SPATA7: variants seen among roughly 807,000 people sequenced by gnomAD.
The protein encoded by SPATA7 is spermatogenesis associated 7.
In SPATA7, 43 loss-of-function variants were observed where a neutral mutation model predicts 51.8. That is an observed-to-expected ratio of 0.83 (90% CI 0.65 to 1.07). SPATA7 has a LOEUF of 1.07. Among genes scored for constraint, SPATA7 ranks in the 50% least tolerant of loss-of-function variants. The pLI is 0.00. For missense variants in SPATA7, 683 were observed against 701.3 expected, an observed-to-expected ratio of 0.97 and a Z score of 0.30; for synonymous variants, 230 against 252.8, an observed-to-expected ratio of 0.91 and a Z score of 0.86.
At chr14:88,434,958 GT>G (rs1477843222) in intron 10 of SPATA7, among the ~76,000 whole-genome samples, 2 of 152,142 alleles carry the variant, frequency 1.3e-5, no homozygotes, top group Non-Finnish European at 2.9e-5. Context: ...GAAATTAGTT[GT>G]TTTTTAAGAA....
intron 1 of SPATA7, among the ~76,000 whole-genome samples, chr14:88,386,326 C>T (rs930811645): frequency 6.6e-6 from 1 of 152,112 alleles, no homozygotes; most frequent in Non-Finnish European, 1.5e-5. Flanking sequence ...TCAGTAAATA[C>T]GAAATCTCCC....
chr14:88,454,814 A>G (rs2077273825), intron 3 of SPATA7, among the ~76,000 whole-genome samples: 1 of 151,612 alleles, frequency 6.6e-6, no homozygotes, highest in South Asian at 2.1e-4. Flanking sequence ...TCTCAAAAAG[A>G]AAAAAAAAGA....
intron 4 of SPATA7, among the ~76,000 whole-genome samples, chr14:88,402,941 A>G (rs1349317680): frequency 2.0e-5 from 3 of 147,820 alleles, no homozygotes; most frequent in East Asian, 2.0e-4. Flanking sequence ...TGTGTAAGTA[A>G]TAAGTACAAC....
intron 8 of SPATA7, among the ~76,000 whole-genome samples, chr14:88,430,599 A>G (rs967016481): frequency 2.0e-5 from 3 of 152,154 alleles, no homozygotes; most frequent in Admixed American, 6.6e-5. Flanking sequence ...AGCATTATCT[A>G]TACATTAACC....
chr14:88,445,079 A>G (rs2077202412), intron 3 of SPATA7, among the ~76,000 whole-genome samples: 1 of 151,970 alleles, frequency 6.6e-6, no homozygotes, highest in South Asian at 2.1e-4. Flanking sequence ...CTTGGGCAGT[A>G]TGGCCATTTT....
rs139404133 is a variant in SPATA7, at chr14:88,426,673, C to A, written c.814C>A (p.Arg272=). ...AAGAAAAAAGGATTTTACAGATCAA[C>A]GGATAGAAGCTGAAACCCAGACTGA... ...AKRKKDFTDQ[R]IEAETQTELS... is the part of the protein sequence containing the mutation. Residue 272 remains arginine, a synonymous_variant, in exon 6 of 12, where the codon CGG becomes AGG. Transcript: ENST00000393545. 6.2e-7 allele frequency: 1 copy of A among 1,613,290 alleles called. No homozygotes were observed. Among genetic ancestry groups the A allele is most frequent in the South Asian group, 1.1e-5 (1 of 91,066 alleles).
chr14:88,465,593 CAG>C (rs1176978471), intron 4 of SPATA7, among the ~76,000 whole-genome samples: 4 of 152,166 alleles, frequency 2.6e-5, no homozygotes, highest in African/African-American at 9.7e-5. Context: ...CAGTGGAAAA[CAG>C]TGGTTTATAA....
At chr14:88,411,806 G>A (rs1163258970) in intron 4 of SPATA7, among the ~76,000 whole-genome samples, 1 of 152,148 alleles carries the variant, frequency 6.6e-6, no homozygotes, top group African/African-American at 2.4e-5. Context: ...GGATAGTGCT[G>A]TGTTGGATAT....
At chr14:88,431,150 T>G in intron 8 of SPATA7, 22 bp from the exon 9 acceptor site, 1 of 1,612,204 alleles carries the variant, frequency 6.2e-7, no homozygotes, top group South Asian at 1.1e-5. Context: ...TTTGCTCAAC[T>G]ACTTTAACTT....
At chr14:88,389,486 C>T (rs890180067) in intron 1 of SPATA7, among the ~76,000 whole-genome samples, 6 of 152,024 alleles carry the variant, frequency 3.9e-5, no homozygotes, top group Non-Finnish European at 5.9e-5. Context: ...ATTACAAGCA[C>T]GAGCCATTGT....
chr14:88,411,748 A>G (rs559719226), intron 4 of SPATA7, among the ~76,000 whole-genome samples: 5 of 152,022 alleles, frequency 3.3e-5, no homozygotes, highest in African/African-American at 9.6e-5. Flanking sequence ...TCTTTATCCA[A>G]TTCACCATTA....
intron 3 of SPATA7, among the ~76,000 whole-genome samples, chr14:88,447,578 C>T (rs149974962): frequency 6.6e-6 from 1 of 152,028 alleles, no homozygotes; most frequent in Non-Finnish European, 1.5e-5. Flanking sequence ...TCTTCGTAGT[C>T]TCGATGGTCT....
intron 4 of SPATA7, among the ~76,000 whole-genome samples, chr14:88,460,707 C>T (rs1192300201): frequency 6.6e-6 from 1 of 152,216 alleles, no homozygotes; most frequent in East Asian, 1.9e-4. Flanking sequence ...CTTCTCTCAA[C>T]TTGTCAAAGT....
At chr14:88,385,954 G>T in intron 1 of SPATA7, 117 bp downstream of exon 1, 1 of 1,535,988 alleles carries the variant, frequency 6.5e-7, no homozygotes, top group Non-Finnish European at 8.7e-7. Flanking sequence ...TCCTACCCCT[G>T]GCTGAGTCGC....
chr14:88,449,140 C>T (rs902479765), intron 3 of SPATA7, among the ~76,000 whole-genome samples: 1 of 151,952 alleles, frequency 6.6e-6, no homozygotes, highest in African/African-American at 2.4e-5. Flanking sequence ...TCTCTAACTC[C>T]TTGAGGTGTG....
chr14:88,385,977 G>T lies in SPATA7; in HGVS notation c.19+140G>T, dbSNP rs1231248523. On this transcript the variant is annotated intron_variant, in intron 1 of 11. Coordinates refer to ENST00000393545, the MANE Select transcript of SPATA7 (RefSeq NM_018418.5). Reference sequence around the variant, plus strand: ...CTGGCTGAGTCGCCAGTGTTGCCTGGAGCTGCCCAGGCCTGCGCAAAGGAA... The same window carrying T: ...CTGGCTGAGTCGCCAGTGTTGCCTGTAGCTGCCCAGGCCTGCGCAAAGGAA... The T allele has an allele frequency of 1.4e-5, 22 of 1,524,394 alleles. No individual in the cohort carries two copies. The South Asian group carries it at 2.6e-4, about 18-fold the overall frequency. 94.4% of individuals were successfully genotyped at this position (1,524,394 alleles called of 1,614,324 possible).
At chr14:88,431,068 T>A in intron 8 of SPATA7, 104 bp from the exon 9 acceptor site, 4 of 1,044,472 alleles carry the variant, frequency 3.8e-6, no homozygotes, top group Non-Finnish European at 6.0e-6. Flanking sequence ...GTTCCAAACA[T>A]CTAAGATAAG....
At chr14:88,445,828 G>A (rs1194888574) in intron 3 of SPATA7, among the ~76,000 whole-genome samples, 1 of 152,122 alleles carries the variant, frequency 6.6e-6, no homozygotes, top group African/African-American at 2.4e-5. Flanking sequence ...GCATCCCAGG[G>A]ATGAAGCCCA....
At position 88,437,952 on chromosome 14, in the gene SPATA7, G is replaced by A; in HGVS notation, c.1330G>A (p.Ala444Thr). 1.2e-6 allele frequency: 2 copies of A among 1,613,956 alleles called. No homozygotes were observed. ...DMLNVFDFEK[A>T]GNSEPNELKN... The stretch of plus-strand genomic sequence containing the variant: ...GTTGAATGTATTTGATTTTGAAAAG[G>A]CTGGGAATTCAGAACCAAATGAATT... Residue 444 changes from alanine (A) to threonine (T), a missense_variant, in exon 12 of 12, where the codon GCT becomes ACT. Ala to Thr is a moderately conservative substitution (Grantham distance 58). Transcript: ENST00000393545.
Sources: gnomAD v4.1 joint callset for allele counts (sites outside exome capture counted in the v4.1 genomes callset) on GRCh38, gnomAD v4.1.1 for gene constraint, MANE v1.5 for transcripts, NCBI Gene and HGNC (gene_info 2026-07-23, HGNC 2026-07-21) for gene names.